The following FIG4 variants were observed in gnomAD, a reference collection of about 807,000 sequenced individuals.
FIG4 encodes the protein FIG4 phosphoinositide 5-phosphatase.
A neutral mutation model predicts 118.6 loss-of-function variants in FIG4; 112 were observed. The observed-to-expected ratio is 0.94, with a 90% CI of 0.81 to 1.11. The LOEUF (loss-of-function observed/expected upper bound fraction) is 1.11. Among genes scored for constraint, FIG4 ranks in the 50% least tolerant of loss-of-function variants. FIG4 has a pLI of 0.00. For missense variants in FIG4, 969 were observed against 1,111.7 expected (o/e 0.87, Z 1.83); for synonymous variants, 369 against 381.2 (o/e 0.97, Z 0.37).
intron 15 of FIG4, among the ~76,000 whole-genome samples, chr6:109,773,386 A>T (rs969850243): frequency 2.0e-5 from 3 of 152,138 alleles, no homozygotes; most frequent in African/African-American, 4.8e-5. Context: ...ATCTAACAAA[A>T]TCACAAACTT....
At chr6:109,720,124 C>A (rs528596227) in intron 3 of FIG4, among the ~76,000 whole-genome samples, 1 of 152,242 alleles carries the variant, frequency 6.6e-6, no homozygotes, top group East Asian at 1.9e-4. Context: ...AAGACAATAA[C>A]GTACTGGTAA....
intron 1 of FIG4, among the ~76,000 whole-genome samples, chr6:109,707,398 C>CATACATATACATATATACCT (rs1562638324): frequency 2.7e-5 from 4 of 146,854 alleles, no homozygotes; most frequent in Non-Finnish European, 6.0e-5. Context: ...CATATGTATA[C>CATACATATACATATATACCT]ATACATATAC....
chr6:109,754,945 G>A (rs149959480), intron 10 of FIG4, among the ~76,000 whole-genome samples: 3,181 of 151,844 alleles, frequency 0.021, 101 homozygotes, highest in African/African-American at 0.074. Context: ...CTTCAGTTCT[G>A]CTCTGATTTT....
chr6:109,716,393 A>C (rs993616438), intron 2 of FIG4, 52 bp from the exon 3 acceptor site: 1 of 1,600,052 alleles, frequency 6.2e-7, no homozygotes, highest in African/African-American at 1.3e-5. Context: ...ACAAATAATA[A>C]ATAATCTAAA....
intron 1 of FIG4, among the ~76,000 whole-genome samples, chr6:109,711,356 G>A (rs189445718): frequency 2.5e-4 from 38 of 152,142 alleles, no homozygotes; most frequent in African/African-American, 8.4e-4. Context: ...CCGAGATTGC[G>A]CCACTGCACT....
At chr6:109,819,104 T>A (rs1778936662) in intron 22 of FIG4, among the ~76,000 whole-genome samples, 1 of 152,232 alleles carries the variant, frequency 6.6e-6, no homozygotes, top group South Asian at 2.1e-4. Flanking sequence ...TGTGTAGCTC[T>A]CTTCATTAGG....
At chr6:109,747,364 CAG>C (rs758175540) in intron 10 of FIG4, among the ~76,000 whole-genome samples, 1 of 151,794 alleles carries the variant, frequency 6.6e-6, no homozygotes, top group Non-Finnish European at 1.5e-5. Flanking sequence ...CCAAAGGAGT[CAG>C]AGAAAAAAAC....
At chr6:109,784,758 A>G (rs907614671) in intron 16 of FIG4, among the ~76,000 whole-genome samples, 6 of 152,182 alleles carry the variant, frequency 3.9e-5, no homozygotes, top group Non-Finnish European at 7.4e-5. Context: ...TAGATCTGCA[A>G]CATAGTTGAA....
rs181012139 is a variant in FIG4, at chr6:109,791,418, G to A, written c.2223G>A (p.Thr741=). 10 of 1,613,424 alleles carry A rather than the reference G, an allele frequency of 6.2e-6. No homozygotes were observed. The highest frequency in any genetic ancestry group is 4.0e-5 in the African/African-American group (3 of 74,940). The stretch of plus-strand genomic sequence containing the variant: ...AAGAAGCTGTATTACAGCGGAAAAC[G>A]GCAGCCAGCGCCCCGCCGCCCCCCA... ...NREEAVLQRK[T]AASAPPPPSE... Residue 741 remains threonine, a synonymous_variant, in exon 20 of 23, where the codon ACG becomes ACA. Coordinates refer to ENST00000230124, the MANE Select transcript of FIG4 (RefSeq NM_014845.6).
intron 22 of FIG4, among the ~76,000 whole-genome samples, chr6:109,805,503 T>G (rs1433472875): frequency 6.6e-6 from 1 of 152,192 alleles, no homozygotes; most frequent in Non-Finnish European, 1.5e-5. Flanking sequence ...AAATCTTGCC[T>G]CTCAAACCCA....
chr6:109,796,857 T>C lies in FIG4; in HGVS notation c.2546+6T>C. ...TCAGATGGAGTTATAAAACTGTAAG[T>C]ACTAGATTAGATCTTTAAAGAAATC... is the stretch of plus-strand genomic sequence containing the variant. On this transcript the variant is annotated splice_donor_region_variant and intron_variant, in intron 22 of 22. Transcript: ENST00000230124. The C allele has an allele frequency of 6.7e-7, 1 of 1,494,998 alleles. No individual in the cohort carries two copies. The highest frequency in any genetic ancestry group is 1.1e-5 in the South Asian group (1 of 88,680). 92.6% of individuals were successfully genotyped at this position (1,494,998 alleles called of 1,614,324 possible).
chr6:109,750,473 A>T (rs1358550639), intron 10 of FIG4, among the ~76,000 whole-genome samples: 2 of 149,158 alleles, frequency 1.3e-5, no homozygotes, highest in South Asian at 2.1e-4. Flanking sequence ...TCTCTACAAA[A>T]TTTTTTTTTT....
At chr6:109,729,840 A>G (rs906051179) in intron 4 of FIG4, among the ~76,000 whole-genome samples, 1 of 151,992 alleles carries the variant, frequency 6.6e-6, no homozygotes, top group Non-Finnish European at 1.5e-5. Context: ...TACAGGAACC[A>G]GTAATATTTC....
chr6:109,758,955 A>G (rs1171760000), intron 10 of FIG4, among the ~76,000 whole-genome samples: 2 of 152,220 alleles, frequency 1.3e-5, no homozygotes, highest in Admixed American at 1.3e-4. Flanking sequence ...GAAACAACAG[A>G]TGCTGGAGAG....
intron 10 of FIG4, among the ~76,000 whole-genome samples, chr6:109,756,912 G>A (rs117473542): frequency 0.024 from 3,635 of 152,138 alleles, 82 homozygotes; most frequent in East Asian, 0.091. Context: ...TAATTTGATC[G>A]TCTGAAGCTT....
intron 1 of FIG4, among the ~76,000 whole-genome samples, chr6:109,702,464 G>A (rs1262707150): frequency 1.3e-5 from 2 of 152,162 alleles, no homozygotes; most frequent in Non-Finnish European, 2.9e-5. Flanking sequence ...TTTCAATGTA[G>A]CTTTTCTCTT....
chr6:109,712,779 C>T (rs1014057004), intron 1 of FIG4, among the ~76,000 whole-genome samples: 18 of 152,260 alleles, frequency 1.2e-4, no homozygotes, highest in Admixed American at 9.8e-4. Context: ...GAGAAAAGTG[C>T]AGTTGTTTTG....
intron 1 of FIG4, among the ~76,000 whole-genome samples, chr6:109,713,861 C>G (rs1428198699): frequency 2.0e-5 from 3 of 152,102 alleles, no homozygotes; most frequent in Non-Finnish European, 2.9e-5. Context: ...TAAGGCTTCC[C>G]TGCAAGCAGG....
At chr6:109,794,001 C>T (rs1304163276) in intron 21 of FIG4, among the ~76,000 whole-genome samples, 1 of 152,100 alleles carries the variant, frequency 6.6e-6, no homozygotes, top group African/African-American at 2.4e-5. Context: ...AACCATGTGG[C>T]CTGAAGAATG....
Sources: gnomAD v4.1 joint callset for allele counts (sites outside exome capture counted in the v4.1 genomes callset) on GRCh38, gnomAD v4.1.1 for gene constraint, MANE v1.5 for transcripts, NCBI Gene and HGNC (gene_info 2026-07-23, HGNC 2026-07-21) for gene names.